The following MBOAT2 variants were observed in gnomAD, a reference collection of about 807,000 sequenced individuals.
MBOAT2 encodes the protein membrane bound glycerophospholipid O-acyltransferase 2, also known as membrane-bound glycerophospholipid O-acyltransferase 2.
In MBOAT2, 28 loss-of-function variants were observed where a neutral mutation model predicts 63.4. The observed-to-expected ratio is 0.44, with a 90% CI of 0.33 to 0.61. The LOEUF is 0.61. Among genes scored for constraint, MBOAT2 ranks in the 20% least tolerant of loss-of-function variants. The probability of loss-of-function intolerance (pLI) is 0.03; values close to 1 mark genes in which losing one functional copy is unlikely to be tolerated. For synonymous variants in MBOAT2, 211 were observed against 215.6 expected (o/e 0.98, Z 0.19); for missense variants, 470 against 605.8 (o/e 0.78, Z 2.35).
At position 8,856,302 on chromosome 2, in the gene MBOAT2, AC is replaced by A. The variant is rs1314277409; in HGVS notation, c.*2376del. ...ATTTGTAGGTGGCTAGATAGGCTGA[AC>A]CAAAAAAAAACACACACACACACAC... On this transcript the variant is annotated 3_prime_UTR_variant, in exon 13 of 13. Transcript: ENST00000305997. This position sits in a 1 kb window ranked among gnomAD's most constrained non-coding sequence, Gnocchi z 4.2. 1 of 137,818 alleles carries A rather than the reference AC, an allele frequency of 7.3e-6. No individual in the cohort carries two copies. The highest frequency in any genetic ancestry group is 1.5e-5 in the Non-Finnish European group (1 of 66,944). The allele number at this position is 137,818 out of a possible 1,614,324, so 8.5% of individuals were successfully genotyped here.
At chr2:8,958,000 C>T (rs950272291) in intron 2 of MBOAT2, among the ~76,000 whole-genome samples, 1 of 152,250 alleles carries the variant, frequency 6.6e-6, no homozygotes, top group South Asian at 2.1e-4. Context: ...GAAATAAAAG[C>T]TTTCCATCAT....
At chr2:8,869,522 A>G (rs960211923) in intron 8 of MBOAT2, among the ~76,000 whole-genome samples, 3 of 152,228 alleles carry the variant, frequency 2.0e-5, no homozygotes, top group Admixed American at 6.5e-5. Context: ...AATCCATCAA[A>G]GCCCAGCAAA....
intron 7 of MBOAT2, among the ~76,000 whole-genome samples, chr2:8,873,568 TA>T (rs1572934967): frequency 6.6e-6 from 1 of 152,118 alleles, no homozygotes; most frequent in Admixed American, 6.5e-5. Flanking sequence ...TTTCAGGAAA[TA>T]AAAAAATCTA....
At chr2:8,885,249 G>A (rs1354690304) in intron 5 of MBOAT2, among the ~76,000 whole-genome samples, 2 of 152,134 alleles carry the variant, frequency 1.3e-5, no homozygotes, top group African/African-American at 2.4e-5. Context: ...TATCTCCATG[G>A]GTGGCTGCGA....
intron 3 of MBOAT2, among the ~76,000 whole-genome samples, chr2:8,930,760 T>C (rs1667260941): frequency 6.6e-6 from 1 of 151,554 alleles, no homozygotes. Context: ...AGATACCTAA[T>C]GCTAAATGAC....
intron 3 of MBOAT2, among the ~76,000 whole-genome samples, chr2:8,912,355 A>AAGAAAGAAAG (rs1573031269): frequency 2.8e-4 from 26 of 93,962 alleles, no homozygotes; most frequent in East Asian, 8.8e-4. Context: ...AAGAAAGAGA[A>AAGAAAGAAAG]AGAAAGAAAG....
chr2:8,879,415 C>G (rs1662941852), intron 6 of MBOAT2, among the ~76,000 whole-genome samples: 1 of 152,190 alleles, frequency 6.6e-6, no homozygotes. Flanking sequence ...TATCAAACAA[C>G]AAGTCATTTT....
In MBOAT2 at chr2:8,890,301, C is replaced by T. The variant is rs1663896162; in HGVS notation, c.396-2228G>A. 5.3e-5 allele frequency among the ~76,000 whole-genome samples: 8 copies of T among 152,352 alleles called. No individual in the cohort carries two copies. In the South Asian group the frequency reaches 1.7e-3, roughly 32 times the overall value. Reference sequence around the variant, plus strand: ...CCCTGTGCCCACAAAAACACACACACACACGCGCGCACGCAAATACTCTTC... The same window carrying T: ...CCCTGTGCCCACAAAAACACACACATACACGCGCGCACGCAAATACTCTTC... On this transcript the variant is annotated intron_variant, in intron 4 of 12. Transcript: ENST00000305997.
chr2:8,969,801 A>C (rs1194672351), intron 1 of MBOAT2, among the ~76,000 whole-genome samples: 1 of 152,246 alleles, frequency 6.6e-6, no homozygotes, highest in African/African-American at 2.4e-5. Flanking sequence ...AAAGGGATCA[A>C]TTCAACAAGA....
At chr2:8,977,345 G>C (rs893569120) in intron 1 of MBOAT2, among the ~76,000 whole-genome samples, 1 of 152,058 alleles carries the variant, frequency 6.6e-6, no homozygotes, top group Non-Finnish European at 1.5e-5. Context: ...ATCACACTTT[G>C]TGGACAAGCA....
chr2:8,984,789 TATTTA>T (rs1222938312), intron 1 of MBOAT2, among the ~76,000 whole-genome samples: 2 of 152,234 alleles, frequency 1.3e-5, no homozygotes, highest in African/African-American at 2.4e-5. Flanking sequence ...GGCCAAATTT[TATTTA>T]ATTTTACATA....
At chr2:8,965,757 G>A (rs541031369) in intron 1 of MBOAT2, among the ~76,000 whole-genome samples, 6 of 152,176 alleles carry the variant, frequency 3.9e-5, no homozygotes, top group African/African-American at 1.4e-4. Context: ...GATCTGCACT[G>A]TTCAAATATG....
At chr2:8,946,861 A>G (rs1366850174) in intron 2 of MBOAT2, among the ~76,000 whole-genome samples, 1 of 152,228 alleles carries the variant, frequency 6.6e-6, no homozygotes, top group Non-Finnish European at 1.5e-5. Flanking sequence ...CGGAGAGACA[A>G]CAATTATTGA....
At chr2:8,929,503 C>T (rs1667169628) in intron 3 of MBOAT2, among the ~76,000 whole-genome samples, 3 of 152,204 alleles carry the variant, frequency 2.0e-5, no homozygotes, top group Admixed American at 2.0e-4. Context: ...AGGCATACAC[C>T]ACTATGCCCA....
At position 8,857,267 on chromosome 2, in the gene MBOAT2, T is replaced by G. The variant is rs976265258; in HGVS notation, c.*1412A>C. The G allele has an allele frequency of 2.1e-4, 32 of 152,540 alleles. No individual in the cohort carries two copies. The highest frequency in any genetic ancestry group is 2.1e-3 in the Admixed American group (32 of 15,272). 9.4% of individuals were successfully genotyped at this position (152,540 alleles called of 1,614,324 possible). Reference sequence around the variant, plus strand: ...GGTGAAGTCAGAAGGCTTTGCCCCCTCCCCTCCTACAGGGCAGGAGGTACA... The same window carrying G: ...GGTGAAGTCAGAAGGCTTTGCCCCCGCCCCTCCTACAGGGCAGGAGGTACA... On this transcript the variant is annotated 3_prime_UTR_variant, in exon 13 of 13. Transcript: ENST00000305997.
chr2:8,871,153 C>A (rs1422909346), intron 8 of MBOAT2, among the ~76,000 whole-genome samples: 1 of 152,102 alleles, frequency 6.6e-6, no homozygotes, highest in South Asian at 2.1e-4. Flanking sequence ...CAACACCACA[C>A]CTGGCTAATT....
At chr2:8,968,999 C>T (rs1377687724) in intron 1 of MBOAT2, among the ~76,000 whole-genome samples, 1 of 152,124 alleles carries the variant, frequency 6.6e-6, no homozygotes, top group Non-Finnish European at 1.5e-5. Flanking sequence ...GAAAGGCAGG[C>T]CAACATTCAA....
chr2:8,931,599 A>G (rs1334328433), intron 3 of MBOAT2, among the ~76,000 whole-genome samples: 7 of 151,986 alleles, frequency 4.6e-5, no homozygotes, highest in Non-Finnish European at 7.4e-5. Context: ...ATTATATCCC[A>G]TTTGTCAATT....
chr2:8,861,677 G>C (rs1661509082), intron 11 of MBOAT2, among the ~76,000 whole-genome samples: 1 of 152,114 alleles, frequency 6.6e-6, no homozygotes, highest in African/African-American at 2.4e-5. Context: ...TCAAAGTCCA[G>C]ATCCAAACAC....
Sources: allele counts gnomAD v4.1 joint callset (sites outside exome capture counted in the v4.1 genomes callset), GRCh38; gene constraint gnomAD v4.1.1; non-coding constraint Gnocchi (gnomAD v3.1); transcripts MANE v1.5; gene names NCBI Gene and HGNC (gene_info 2026-07-23, HGNC 2026-07-21).